UQCRC2: variants seen among roughly 807,000 people sequenced by gnomAD.
The protein encoded by UQCRC2 is cytochrome b-c1 complex subunit 2, mitochondrial.
A neutral mutation model predicts 55.6 loss-of-function variants in UQCRC2; 49 were observed. That is an observed-to-expected ratio of 0.88 (90% confidence interval 0.70 to 1.12). UQCRC2 has a LOEUF of 1.12. UQCRC2 is among the 50% of genes most tolerant of loss of function. The pLI is 0.00. For synonymous variants in UQCRC2, 193 were observed against 192.0 expected (o/e 1.01, Z -0.04); for missense variants, 506 against 547.8 (o/e 0.92, Z 0.76).
chr16:21,954,425 A>G (rs917347902), intron 1 of UQCRC2, among the ~76,000 whole-genome samples: 1 of 152,160 alleles, frequency 6.6e-6, no homozygotes, highest in Non-Finnish European at 1.5e-5. Context: ...GGCTATATCG[A>G]TTTAGGCTGT....
At position 21,957,431 on chromosome 16, in the gene UQCRC2, A is replaced by G. The variant is rs1898105728; in HGVS notation, c.132A>G (p.Pro44=). The part of the protein sequence containing the change: ...QPQDLEFTKL[P]NGLVIASLEN... ...TTTAAATACAGTTTACCAAGTTACC[A>G]AATGGCTTGGTGATTGCTTCTTTGG... is the stretch of plus-strand genomic sequence containing the variant. Residue 44 remains proline, a synonymous_variant, in exon 3 of 14, where the codon CCA becomes CCG. Transcript: ENST00000268379. The G allele has an allele frequency of 6.2e-7, 1 of 1,614,104 alleles. No homozygotes were observed.
chr16:21,979,423 A>T (rs1262073147), intron 12 of UQCRC2, among the ~76,000 whole-genome samples: 1 of 152,190 alleles, frequency 6.6e-6, no homozygotes, highest in Non-Finnish European at 1.5e-5. Flanking sequence ...TGTGAACCTC[A>T]GTGTTCAGAC....
At chr16:21,967,862 T>C (rs1279211908) in intron 7 of UQCRC2, among the ~76,000 whole-genome samples, 2 of 152,202 alleles carry the variant, frequency 1.3e-5, no homozygotes, top group Non-Finnish European at 2.9e-5. Flanking sequence ...AGCCCTGTTA[T>C]AGAATGTTAA....
intron 7 of UQCRC2, among the ~76,000 whole-genome samples, chr16:21,965,990 T>G (rs969589070): frequency 2.6e-4 from 39 of 152,040 alleles, no homozygotes; most frequent in African/African-American, 9.4e-4. Context: ...AGCCTGTGTA[T>G]CTTTTTTAAA....
At chr16:21,957,167 A>T in intron 1 of UQCRC2, 68 bp from the exon 2 acceptor site, 1 of 1,501,772 alleles carries the variant, frequency 6.7e-7, no homozygotes, top group Non-Finnish European at 9.2e-7. Context: ...GTACCCTAAG[A>T]TACCATGCTT....
chr16:21,974,654 G>A (rs1898539966), intron 11 of UQCRC2, among the ~76,000 whole-genome samples: 1 of 152,190 alleles, frequency 6.6e-6, no homozygotes, highest in African/African-American at 2.4e-5. Context: ...GTGTGGGCTA[G>A]TGGAGCTTAG....
intron 7 of UQCRC2, 152 bp downstream of exon 7, chr16:21,965,657 AT>A: frequency 1.7e-6 from 1 of 577,018 alleles, no homozygotes; most frequent in Non-Finnish European, 2.8e-6. Flanking sequence ...TTTAACTAAA[AT>A]TTTATCTGAA....
intron 11 of UQCRC2, among the ~76,000 whole-genome samples, chr16:21,975,849 G>A (rs1299451434): frequency 1.3e-5 from 2 of 152,164 alleles, no homozygotes; most frequent in Non-Finnish European, 2.9e-5. Flanking sequence ...CCAACACTTT[G>A]GGAGGTTAAG....
At chr16:21,971,683 A>G in intron 9 of UQCRC2, 63 bp downstream of exon 9, 2 of 1,529,776 alleles carry the variant, frequency 1.3e-6, no homozygotes, top group Non-Finnish European at 1.8e-6. Flanking sequence ...AGAATAGCAT[A>G]TTGAGGTGGA....
chr16:21,974,796 T>A (rs1898543424), intron 11 of UQCRC2, among the ~76,000 whole-genome samples: 1 of 152,188 alleles, frequency 6.6e-6, no homozygotes, highest in African/African-American at 2.4e-5. Context: ...GAGAAAGGAA[T>A]ACTTGGGATC....
At position 21,964,589 on chromosome 16, in the gene UQCRC2, C is replaced by T. The variant is rs141348228; in HGVS notation, c.515-819C>T. 3.2e-3 allele frequency among the ~76,000 whole-genome samples: 484 copies of T among 152,234 alleles called. 2 individuals carry two copies. The highest frequency in any genetic ancestry group is 0.01 in the African/African-American group (430 of 41,530). On this transcript the variant is annotated intron_variant, in intron 6 of 13. Transcript: ENST00000268379. ...TTTATGCCTTTGTTTTGTCTGCTTC[C>T]TGTGCCTAAAATGCTGTTCCCAAAT...
At chr16:21,976,614 T>C (rs1597967046) in intron 12 of UQCRC2, 1 of 178,716 alleles carries the variant, frequency 5.6e-6, no homozygotes, top group East Asian at 1.6e-4. Flanking sequence ...TATATATAGA[T>C]GCTGCTTGAC....
At chr16:21,958,263 C>CT (rs1046480247) in intron 3 of UQCRC2, among the ~76,000 whole-genome samples, 12 of 152,050 alleles carry the variant, frequency 7.9e-5, no homozygotes, top group Non-Finnish European at 1.3e-4. Flanking sequence ...AAAATTAACT[C>CT]TTTTTTTCCC....
chr16:21,961,867 G>C (rs917529227), intron 4 of UQCRC2, among the ~76,000 whole-genome samples: 1 of 151,382 alleles, frequency 6.6e-6, no homozygotes, highest in South Asian at 2.1e-4. Flanking sequence ...TGGCCAGGCT[G>C]GTCTCAAACT....
At position 21,972,047 on chromosome 16, in the gene UQCRC2, A is replaced by G. The variant is rs1366322403; in HGVS notation, c.891A>G (p.Pro297=). The G allele has an allele frequency of 1.2e-6, 2 of 1,614,208 alleles. No homozygotes were observed. Among genetic ancestry groups the G allele is most frequent in the African/African-American group, 1.3e-5 (1 of 75,060 alleles). ...TTCAGCATGTCCTCGGTGCTGGGCC[A>G]CATGTCAAGAGGGGCAGCAACACCA... ...SVLQHVLGAG[P]HVKRGSNTTS... The change falls in exon 10 of 14, where the codon CCA becomes CCG. Residue 297 remains proline, a synonymous_variant. Transcript: ENST00000268379.
intron 8 of UQCRC2, among the ~76,000 whole-genome samples, chr16:21,970,362 G>A (rs1256352525): frequency 6.6e-6 from 1 of 152,160 alleles, no homozygotes; most frequent in Non-Finnish European, 1.5e-5. Context: ...TTGGGGAACT[G>A]CCAGACTGTT....
At chr16:21,962,231 T>G (rs1898221458) in intron 4 of UQCRC2, 1 of 548,536 alleles carries the variant, frequency 1.8e-6, no homozygotes, top group African/African-American at 1.9e-5. Flanking sequence ...GGTTCATCTG[T>G]GTTGTAACAT....
rs753479175 is a variant in UQCRC2, at chr16:21,973,881, C to T, written c.967-15C>T. 6.2e-7 allele frequency: 1 copy of T among 1,610,736 alleles called. No individual in the cohort carries two copies. The highest frequency in any genetic ancestry group is 1.1e-5 in the South Asian group (1 of 90,662). ...TTGGTAGAATATCATACAGTAAAGTCTCATTATCTTTCAGGTTTCTGCATT... is the reference window on the plus strand; with the variant it reads ...TTGGTAGAATATCATACAGTAAAGTTTCATTATCTTTCAGGTTTCTGCATT... On this transcript the variant is annotated splice_polypyrimidine_tract_variant and intron_variant, in intron 10 of 13. Transcript: ENST00000268379.
At position 21,983,433 on chromosome 16, in the gene UQCRC2, A is replaced by G; in HGVS notation, c.*262A>G. 2.2e-6 allele frequency: 1 copy of G among 446,232 alleles called. No homozygotes were observed. Among genetic ancestry groups the G allele is most frequent in the Non-Finnish European group, 3.9e-6 (1 of 255,708 alleles). 27.6% of individuals were successfully genotyped at this position (446,232 alleles called of 1,614,324 possible). On this transcript the variant is annotated 3_prime_UTR_variant, in exon 14 of 14. Coordinates refer to ENST00000268379, the MANE Select transcript of UQCRC2 (RefSeq NM_003366.4). ...CTTTGTTTTAGATGCTTTAAAGGAG[A>G]CAGGAATATAATTATTGAGTATAGA...
Sources: gnomAD v4.1 joint callset for allele counts (sites outside exome capture counted in the v4.1 genomes callset) on GRCh38, gnomAD v4.1.1 for gene constraint, MANE v1.5 for transcripts, NCBI Gene and HGNC (gene_info 2026-07-23, HGNC 2026-07-21) for gene names.